ANO4: variants seen among roughly 807,000 people sequenced by gnomAD.
ANO4 encodes anoctamin-4.
Under a neutral mutation model 141.9 loss-of-function variants are expected in ANO4, and 69 were observed. The observed-to-expected ratio is 0.49, with a 90% CI of 0.40 to 0.59. The LOEUF is 0.59. Among genes scored for constraint, ANO4 ranks in the 20% least tolerant of loss-of-function variants. The pLI, the probability that ANO4 is intolerant of heterozygous loss-of-function variation, is 0.00. For synonymous variants in ANO4, 350 were observed against 394.3 expected (o/e 0.89, Z 1.33); for missense variants, 894 against 1,162.2 (o/e 0.77, Z 3.36).
intron 2 of ANO4, among the ~76,000 whole-genome samples, chr12:100,903,361 G>A (rs1156634572): frequency 2.0e-5 from 3 of 152,068 alleles, no homozygotes; most frequent in African/African-American, 7.2e-5. Flanking sequence ...TCCTCCTCTT[G>A]CCTCCTTTCC....
chr12:100,790,281 G>T (rs2034002567), upstream of ANO4, among the ~76,000 whole-genome samples: 1 of 152,290 alleles, frequency 6.6e-6, no homozygotes, highest in East Asian at 1.9e-4. Flanking sequence ...GGTGTATTTG[G>T]CCTGATCATC....
intron 1 of ANO4, among the ~76,000 whole-genome samples, chr12:100,892,943 T>C (rs940716036): frequency 6.6e-6 from 1 of 152,176 alleles, no homozygotes; most frequent in Non-Finnish European, 1.5e-5. Context: ...TTTACATTAA[T>C]GTCTACTGTG....
At chr12:101,080,804 G>A (rs906686820) in intron 15 of ANO4, among the ~76,000 whole-genome samples, 17 of 150,002 alleles carry the variant, frequency 1.1e-4, no homozygotes, top group Non-Finnish European at 2.5e-4. Context: ...TCCAGCCTGA[G>A]TGACAGAGTG....
At chr12:100,766,539 TG>T (rs1339929153) in intron 3 of ANO4, among the ~76,000 whole-genome samples, 1 of 152,174 alleles carries the variant, frequency 6.6e-6, no homozygotes. Context: ...TCCCCATATT[TG>T]TGAATTTTTC....
chr12:100,843,341 A>G (rs938796925), intron 1 of ANO4, among the ~76,000 whole-genome samples: 1 of 152,204 alleles, frequency 6.6e-6, no homozygotes. Context: ...CTAAACAAGT[A>G]TCTGGACTGT....
intron 3 of ANO4, among the ~76,000 whole-genome samples, chr12:100,750,079 T>A (rs149775288): frequency 0.012 from 1,847 of 152,252 alleles, 24 homozygotes; most frequent in African/African-American, 0.042. Flanking sequence ...CAGATCCTCA[T>A]CCAGTAGGTC....
At chr12:101,113,184 C>G (rs563245355) in intron 24 of ANO4, among the ~76,000 whole-genome samples, 46 of 152,302 alleles carry the variant, frequency 3.0e-4, no homozygotes, top group African/African-American at 1.1e-3. Context: ...CCATCCCGCA[C>G]CTCACAGCCC....
chr12:101,114,265 C>T lies in ANO4; in HGVS notation c.2451-2414C>T, dbSNP rs377289999. Among the ~76,000 whole-genome samples the T allele has an allele frequency of 1.4e-4, 21 of 152,304 alleles. No individual in the cohort carries two copies. In the East Asian group the frequency reaches 3.3e-3, roughly 24 times the overall value. ...ACTTGCCTGAATTGATGACAACTTT[C>T]ACTATTTGATATTGACAATAGCTAA... On this transcript the variant is annotated intron_variant, in intron 24 of 27. Coordinates refer to ENST00000392977, the MANE Select transcript of ANO4 (RefSeq NM_001286615.2).
chr12:100,923,924 A>C (rs1343283001), intron 3 of ANO4, among the ~76,000 whole-genome samples: 3 of 152,102 alleles, frequency 2.0e-5, no homozygotes, highest in African/African-American at 7.2e-5. Flanking sequence ...TGTTGGCTGT[A>C]TAAATGTCTT....
At chr12:100,988,283 A>G (rs1331363581) in intron 8 of ANO4, among the ~76,000 whole-genome samples, 1 of 152,116 alleles carries the variant, frequency 6.6e-6, no homozygotes, top group African/African-American at 2.4e-5. Context: ...GCAAAAATGA[A>G]AGAGAATTTA....
intron 1 of ANO4, among the ~76,000 whole-genome samples, chr12:100,890,896 T>C (rs1315393101): frequency 6.6e-6 from 1 of 152,226 alleles, no homozygotes; most frequent in South Asian, 2.1e-4. Flanking sequence ...ATTATAGCAT[T>C]AAACAGAGTA....
intron 3 of ANO4, among the ~76,000 whole-genome samples, chr12:100,929,147 T>G (rs1277312245): frequency 6.6e-6 from 1 of 152,104 alleles, no homozygotes; most frequent in Admixed American, 6.6e-5. Flanking sequence ...CTTTTAGTTT[T>G]AAATGTACAA....
intron 7 of ANO4, among the ~76,000 whole-genome samples, chr12:100,983,903 G>A (rs2044594230): frequency 6.6e-6 from 1 of 152,116 alleles, no homozygotes; most frequent in African/African-American, 2.4e-5. Context: ...GGGCAACTCT[G>A]GTAACCAGAG....
intron 1 of ANO4, among the ~76,000 whole-genome samples, chr12:100,874,486 A>C (rs1315014467): frequency 6.6e-6 from 1 of 152,170 alleles, no homozygotes; most frequent in Admixed American, 6.6e-5. Context: ...ATGAAGTCAA[A>C]GGAGATTATT....
Position 101,041,733 on chromosome 12 carries a change from A to G in ANO4, c.1020-601A>G, listed in dbSNP as rs145483355. Among the ~76,000 whole-genome samples the G allele has an allele frequency of 2.5e-3, 376 of 152,310 alleles. 2 individuals carry two copies. The highest frequency in any genetic ancestry group is 8.5e-3 in the African/African-American group (355 of 41,564). On this transcript the variant is annotated intron_variant, in intron 11 of 27. Coordinates refer to ENST00000392977, the MANE Select transcript of ANO4 (RefSeq NM_001286615.2). ...CATGCATAATTAGGTAAAATGTGTGACAGAGGCCATAAGTTTTACAGTAAT... is the reference window on the plus strand; with the variant it reads ...CATGCATAATTAGGTAAAATGTGTGGCAGAGGCCATAAGTTTTACAGTAAT...
intron 10 of ANO4, 138 bp from the exon 11 acceptor site, chr12:101,039,817 C>A: frequency 3.3e-6 from 3 of 897,680 alleles, no homozygotes; most frequent in Non-Finnish European, 3.3e-6. Flanking sequence ...AAACTGCCTG[C>A]CCTTTAATAG....
At chr12:100,787,306 A>G (rs1199393391) in intron 3 of ANO4, among the ~76,000 whole-genome samples, 1 of 152,192 alleles carries the variant, frequency 6.6e-6, no homozygotes, top group Non-Finnish European at 1.5e-5. Flanking sequence ...GGAGGAGGGC[A>G]GGGAAAAGAA....
intron 7 of ANO4, among the ~76,000 whole-genome samples, chr12:100,983,353 A>G (rs2044569184): frequency 1.3e-5 from 2 of 152,218 alleles, no homozygotes; most frequent in South Asian, 4.1e-4. Context: ...CGAATTTAAC[A>G]GCATAAGACT....
rs533724015 is a variant in ANO4, at chr12:100,931,234, A to AT, written c.161-8079dup. 3.9e-5 allele frequency among the ~76,000 whole-genome samples: 6 copies of AT among 152,122 alleles called. No individual in the cohort carries two copies. In the South Asian group the frequency reaches 1.2e-3, roughly 31 times the overall value. ...CCCAGCCTAAGGTGTTCAAAGCTGTATTGTGTCTTTGTATTTCCGTGAATT... is the reference window on the plus strand; with the variant it reads ...CCCAGCCTAAGGTGTTCAAAGCTGTATTTGTGTCTTTGTATTTCCGTGAATT... On this transcript the variant is annotated intron_variant, in intron 3 of 27. Coordinates refer to ENST00000392977, the MANE Select transcript of ANO4 (RefSeq NM_001286615.2).
Sources: gnomAD v4.1 joint callset for allele counts (sites outside exome capture counted in the v4.1 genomes callset) on GRCh38, gnomAD v4.1.1 for gene constraint, MANE v1.5 for transcripts, NCBI Gene and HGNC (gene_info 2026-07-23, HGNC 2026-07-21) for gene names.